Variants in IL1RAP observed in about 807,000 individuals in gnomAD.
IL1RAP encodes the protein interleukin-1 receptor accessory protein.
In IL1RAP, 35 loss-of-function variants were observed where a neutral mutation model predicts 60.7. That is an observed-to-expected ratio of 0.58 (90% CI 0.44 to 0.76). The LOEUF is 0.76. Among genes scored for constraint, IL1RAP ranks in the 30% least tolerant of loss-of-function variants. IL1RAP has a pLI of 0.00. For synonymous variants in IL1RAP, 268 were observed against 250.9 expected (o/e 1.07, Z -0.64); for missense variants, 572 against 693.9 (o/e 0.82, Z 1.97).
Position 190,645,745 on chromosome 3 carries a change from A to C in IL1RAP, c.1248A>C (p.Glu416Asp). 1 of 1,612,720 alleles carries C rather than the reference A, an allele frequency of 6.2e-7. No homozygotes were observed. The highest frequency in any genetic ancestry group is 8.5e-7 in the Non-Finnish European group (1 of 1,178,726). Reference sequence around the variant, plus strand: ...ATGTATCCTATGCAAGGAATGCGGAAGAAGAAGAATTTGTATTACTGACCC... The same window carrying C: ...ATGTATCCTATGCAAGGAATGCGGACGAAGAAGAATTTGTATTACTGACCC... The part of the protein sequence containing the change: ...DIYVSYARNA[E>D]EEEFVLLTLR... Residue 416 changes from glutamate (E) to aspartate (D), a missense_variant, in exon 11 of 12, where the codon GAA (glutamate) becomes GAC (aspartate). By Grantham distance (45) the Glu-to-Asp change is conservative. Coordinates refer to ENST00000447382, the MANE Select transcript of IL1RAP (RefSeq NM_002182.4).
chr3:190,526,539 GC>G, intron 1 of IL1RAP, among the ~76,000 whole-genome samples: 1 of 152,116 alleles, frequency 6.6e-6, no homozygotes, highest in Admixed American at 6.5e-5. Flanking sequence ...TTAGACTGAG[GC>G]AACCTAGGTA....
At chr3:190,572,881 T>TTTTTTTA (rs1727083010) in intron 3 of IL1RAP, among the ~76,000 whole-genome samples, 1 of 76,126 alleles carries the variant, frequency 1.3e-5, no homozygotes, top group Non-Finnish European at 2.7e-5. Context: ...TTTTTTTTTT[T>TTTTTTTA]GAGACGGAGT....
intron 1 of IL1RAP, among the ~76,000 whole-genome samples, chr3:190,540,915 A>T (rs1426086355): frequency 1.3e-5 from 2 of 152,170 alleles, no homozygotes; most frequent in African/African-American, 4.8e-5. Flanking sequence ...ATAAACAATA[A>T]CTTGTCCTCA....
At chr3:190,537,758 C>A (rs958772883) in intron 1 of IL1RAP, among the ~76,000 whole-genome samples, 1 of 152,078 alleles carries the variant, frequency 6.6e-6, no homozygotes. Flanking sequence ...ATGTGCCTAT[C>A]TTTTTGGCGA....
chr3:190,520,296 T>A (rs2108594903), intron 1 of IL1RAP, among the ~76,000 whole-genome samples: 1 of 152,328 alleles, frequency 6.6e-6, no homozygotes, highest in South Asian at 2.1e-4. Flanking sequence ...CAAAATTGAC[T>A]TTCTGGATTT....
At chr3:190,628,234 A>C (rs1158265221) in intron 8 of IL1RAP, among the ~76,000 whole-genome samples, 2 of 152,226 alleles carry the variant, frequency 1.3e-5, no homozygotes, top group Non-Finnish European at 2.9e-5. Flanking sequence ...CACCAATTAA[A>C]AATTTGCAGC....
Position 190,592,725 on chromosome 3 carries a change from G to C in IL1RAP, c.65-11403G>C, listed in dbSNP as rs1278398322. 3.9e-5 allele frequency among the ~76,000 whole-genome samples: 6 copies of C among 152,232 alleles called. No individual in the cohort carries two copies. The East Asian group carries it at 9.6e-4, about 24-fold the overall frequency. ...TAATGCTAGACTCTGAAAGACCCCA[G>C]CTCTTTTAGATTTGATTTTATAACT... On this transcript the variant is annotated intron_variant, in intron 3 of 11. Transcript: ENST00000447382.
At chr3:190,530,817 C>T (rs1722921912) in intron 1 of IL1RAP, among the ~76,000 whole-genome samples, 1 of 152,134 alleles carries the variant, frequency 6.6e-6, no homozygotes, top group Admixed American at 6.5e-5. Flanking sequence ...TCCAAGTGCC[C>T]AACAAGTTAC....
intron 10 of IL1RAP, 146 bp downstream of exon 10, chr3:190,644,543 G>A: frequency 1.5e-6 from 1 of 653,122 alleles, no homozygotes; most frequent in Non-Finnish European, 2.6e-6. Flanking sequence ...TTCAACCGTT[G>A]CTATTAGAAA....
intron 5 of IL1RAP, among the ~76,000 whole-genome samples, chr3:190,619,813 CAATCAG>C (rs1352857978): frequency 1.3e-5 from 2 of 151,876 alleles, no homozygotes; most frequent in Non-Finnish European, 2.9e-5. Flanking sequence ...TTAAAAATGC[CAATCAG>C]ACATCTAAAT....
chr3:190,601,308 A>T (rs987428706), intron 3 of IL1RAP, among the ~76,000 whole-genome samples: 3 of 152,244 alleles, frequency 2.0e-5, no homozygotes, highest in African/African-American at 7.2e-5. Flanking sequence ...ACTTTTATAT[A>T]AACTGAATAA....
chr3:190,516,173 G>A (rs1273787026), intron 1 of IL1RAP: 1 of 152,220 alleles, frequency 6.6e-6, no homozygotes, highest in Admixed American at 6.5e-5. Flanking sequence ...TGAGAACAGA[G>A]TGTGATACAT....
chr3:190,579,645 C>T (rs1577647712), intron 3 of IL1RAP, among the ~76,000 whole-genome samples: 1 of 152,128 alleles, frequency 6.6e-6, no homozygotes. Flanking sequence ...AAACCAGACA[C>T]ATTAGTCGTG....
chr3:190,560,816 C>T (rs559937504), intron 2 of IL1RAP, among the ~76,000 whole-genome samples: 8 of 152,308 alleles, frequency 5.3e-5, no homozygotes, highest in Admixed American at 1.3e-4. Context: ...TGTTAAGGTG[C>T]TGAGCACGTG....
chr3:190,619,317 A>C (rs1179009132), intron 5 of IL1RAP, among the ~76,000 whole-genome samples: 1 of 152,208 alleles, frequency 6.6e-6, no homozygotes, highest in East Asian at 1.9e-4. Flanking sequence ...CAATTTCTCA[A>C]TTTTAAATGT....
chr3:190,559,675 G>A (rs1433129265), intron 2 of IL1RAP, among the ~76,000 whole-genome samples: 1 of 152,086 alleles, frequency 6.6e-6, no homozygotes, highest in African/African-American at 2.4e-5. Flanking sequence ...ATTTTGAAGT[G>A]TTTGGAGATT....
downstream of IL1RAP, among the ~76,000 whole-genome samples, chr3:190,653,116 C>T (rs76486820): frequency 0.019 from 2,847 of 152,238 alleles, 101 homozygotes; most frequent in African/African-American, 0.066. Context: ...CTATTTAAAA[C>T]TGAATAGACA....
At chr3:190,601,335 T>C (rs1729843578) in intron 3 of IL1RAP, among the ~76,000 whole-genome samples, 1 of 152,242 alleles carries the variant, frequency 6.6e-6, no homozygotes, top group Admixed American at 6.5e-5. Context: ...TCTGCAACTT[T>C]GCAAATATTT....
intron 3 of IL1RAP, among the ~76,000 whole-genome samples, chr3:190,565,899 C>T (rs1167388693): frequency 6.6e-6 from 1 of 152,172 alleles, no homozygotes; most frequent in Non-Finnish European, 1.5e-5. Flanking sequence ...TCCCTCCATC[C>T]TGTTTTAGTT....
Sources: gnomAD v4.1 joint callset for allele counts (sites outside exome capture counted in the v4.1 genomes callset) on GRCh38, gnomAD v4.1.1 for gene constraint, MANE v1.5 for transcripts, NCBI Gene and HGNC (gene_info 2026-07-23, HGNC 2026-07-21) for gene names.